The following MALT1 variants were observed in gnomAD, a reference collection of about 807,000 sequenced individuals.
MALT1 encodes the protein mucosa-associated lymphoid tissue lymphoma translocation protein 1.
A neutral mutation model predicts 85.5 loss-of-function variants in MALT1; 36 were observed. The observed-to-expected ratio is 0.42, with a 90% CI of 0.32 to 0.56. The LOEUF (loss-of-function observed/expected upper bound fraction) is 0.56, where lower values mean the gene tolerates loss of function less well. MALT1 is among the 20% of genes least tolerant of loss of function. The probability of loss-of-function intolerance (pLI) is 0.10; values close to 1 mark genes in which losing one functional copy is unlikely to be tolerated. For missense variants in MALT1, 716 were observed against 981.6 expected (o/e 0.73, Z 3.62); for synonymous variants, 359 against 361.3 (o/e 0.99, Z 0.07).
intron 16 of MALT1, among the ~76,000 whole-genome samples, 162 bp from the exon 17 acceptor site, chr18:58,747,243 T>C (rs2055380423): frequency 6.6e-6 from 1 of 152,192 alleles, no homozygotes; most frequent in Non-Finnish European, 1.5e-5. Context: ...AGCTGGCGTT[T>C]CTCAGTTTCA....
At chr18:58,718,648 G>A (rs767641678) in intron 9 of MALT1, among the ~76,000 whole-genome samples, 22 of 152,192 alleles carry the variant, frequency 1.4e-4, no homozygotes, top group Admixed American at 3.9e-4. Context: ...GTTGGGGACC[G>A]CTGCTTAATG....
chr18:58,732,565 T>C (rs989550271), intron 10 of MALT1, among the ~76,000 whole-genome samples: 4 of 152,208 alleles, frequency 2.6e-5, no homozygotes, highest in African/African-American at 9.7e-5. Context: ...CTGTTTATGG[T>C]AATACCTGCA....
chr18:58,703,299 G>A (rs1022543448), intron 4 of MALT1, among the ~76,000 whole-genome samples: 1 of 152,104 alleles, frequency 6.6e-6, no homozygotes, highest in South Asian at 2.1e-4. Flanking sequence ...GGAGGTTGCA[G>A]TGAGCCAAGA....
At chr18:58,741,723 A>G (rs1343615921) in intron 13 of MALT1, 142 bp from the exon 14 acceptor site, 3 of 477,818 alleles carry the variant, frequency 6.3e-6, no homozygotes, top group Non-Finnish European at 1.1e-5. Context: ...TCTGGCACAT[A>G]ATAGGTGCTC....
At chr18:58,715,323 G>A (rs1301682938) in intron 8 of MALT1, among the ~76,000 whole-genome samples, 1 of 152,124 alleles carries the variant, frequency 6.6e-6, no homozygotes, top group Non-Finnish European at 1.5e-5. Flanking sequence ...CCACAATTCA[G>A]GGAGTACCAA....
At chr18:58,688,748 A>G (rs1193717529) in intron 2 of MALT1, among the ~76,000 whole-genome samples, 1 of 151,934 alleles carries the variant, frequency 6.6e-6, no homozygotes, top group Non-Finnish European at 1.5e-5. Flanking sequence ...TTGCCATGGT[A>G]TATTCATGAG....
At position 58,750,935 on chromosome 18, in the gene MALT1, C is replaced by T. The variant is rs1227621528; in HGVS notation, c.*3093C>T. On this transcript the variant is annotated 3_prime_UTR_variant, in exon 17 of 17. Transcript: ENST00000649217. ...CACCATTAAGAAAGTGAAGTTAACC[C>T]TCAGAATGGGAGAAAAATTTTTGAA... 1 of 152,152 alleles carries T rather than the reference C, an allele frequency of 6.6e-6. No homozygotes were observed. Among genetic ancestry groups the T allele is most frequent in the East Asian group, 1.9e-4 (1 of 5,204 alleles). 9.4% of individuals were successfully genotyped at this position (152,152 alleles called of 1,614,324 possible). A position where few individuals can be genotyped will look rare whatever the true frequency, so the allele number is the denominator to read the frequency against.
At chr18:58,706,406 CG>C (rs1469624385) in intron 4 of MALT1, among the ~76,000 whole-genome samples, 2 of 152,184 alleles carry the variant, frequency 1.3e-5, no homozygotes, top group African/African-American at 4.8e-5. Context: ...CCACCTGCCT[CG>C]GCCTCCCAAA....
In MALT1 at chr18:58,741,947, TC is replaced by T; in HGVS notation, c.1688del (p.Pro563GlnfsTer40). On this transcript the variant is annotated frameshift_variant, in exon 14 of 17. Transcript: ENST00000649217. LOFTEE classifies it high-confidence loss of function. Reference sequence around the variant, plus strand: ...TATCTGAGAAGAGAGCACTTACTGATCCAATACAGGGAACAGAATATTCTGC... The same window carrying T: ...TATCTGAGAAGAGAGCACTTACTGATCAATACAGGGAACAGAATATTCTGC... ...SLSEKRALTDPIQGTEYSAES... is the reference protein window; with the variant it reads ...SLSEKRALTDXIQGTEYSAES... 2 of 1,571,930 alleles carry T rather than the reference TC, an allele frequency of 1.3e-6. No homozygotes were observed. Among genetic ancestry groups the T allele is most frequent in the Non-Finnish European group, 8.7e-7 (1 of 1,149,336 alleles).
At chr18:58,702,309 G>A (rs532406887) in intron 4 of MALT1, among the ~76,000 whole-genome samples, 18 of 151,646 alleles carry the variant, frequency 1.2e-4, no homozygotes, top group East Asian at 9.7e-4. Flanking sequence ...ACTCAAGCCC[G>A]GGAGGCGGAG....
chr18:58,705,373 C>T (rs779643582), intron 4 of MALT1, among the ~76,000 whole-genome samples: 66 of 150,434 alleles, frequency 4.4e-4, no homozygotes, highest in Admixed American at 7.3e-4. Context: ...GTGCACATTG[C>T]GCAGGTTAGT....
intron 2 of MALT1, among the ~76,000 whole-genome samples, chr18:58,682,403 C>G (rs1458067235): frequency 3.9e-5 from 6 of 152,192 alleles, no homozygotes; most frequent in Admixed American, 3.3e-4. Flanking sequence ...TCAAGAGAAT[C>G]AAGGAACAAT....
chr18:58,711,039 C>A lies in MALT1; in HGVS notation c.958+86C>A, dbSNP rs1602311650. 7.5e-6 allele frequency: 6 copies of A among 800,002 alleles called. No homozygotes were observed. The East Asian group carries it at 8.9e-5, about 12-fold the overall frequency. The allele number at this position is 800,002 out of a possible 1,614,324, so 49.6% of individuals were successfully genotyped here. A position where few individuals can be genotyped will look rare whatever the true frequency, so the allele number is the denominator to read the frequency against. On this transcript the variant is annotated intron_variant, in intron 7 of 16. Transcript: ENST00000649217. ...TGGAGTGCTTTTAGCCTACTGAGTG[C>A]AGTGATGGAAAAAATACTAGCTGTA...
At chr18:58,740,923 G>A (rs56323611) in intron 13 of MALT1, among the ~76,000 whole-genome samples, 1 of 151,830 alleles carries the variant, frequency 6.6e-6, no homozygotes, top group Non-Finnish European at 1.5e-5. Context: ...GACTATTTTC[G>A]TGTTTTAAAT....
At position 58,747,500 on chromosome 18, in the gene MALT1, C is replaced by T. The variant is rs940630885; in HGVS notation, c.2133C>T (p.Leu711=). 1.2e-6 allele frequency: 2 copies of T among 1,613,702 alleles called. No individual in the cohort carries two copies. The highest frequency in any genetic ancestry group is 3.3e-5 in the Admixed American group (2 of 60,028). ...DKQEVNVGKP[L]IAKLDMHRGL... is the part of the protein sequence containing the mutation. ...AGGAAGTGAATGTTGGGAAACCTCT[C>T]ATTGCTAAATTAGACATGCATCGAG... The change falls in exon 17 of 17, where the codon CTC becomes CTT. Residue 711 remains leucine, a synonymous_variant. Transcript: ENST00000649217.
chr18:58,750,803 T>C lies in MALT1; in HGVS notation c.*2961T>C, dbSNP rs1469319620. 1 of 152,208 alleles carries C rather than the reference T, an allele frequency of 6.6e-6. No individual in the cohort carries two copies. Among genetic ancestry groups the C allele is most frequent in the Non-Finnish European group, 1.5e-5 (1 of 68,036 alleles). The allele number at this position is 152,208 out of a possible 1,614,324, so 9.4% of individuals were successfully genotyped here. ...AAAACAGAAGTAAATCTTTGTGATG[T>C]TGGGCTTAGGAATGGTTTCTTAGAC... On this transcript the variant is annotated 3_prime_UTR_variant, in exon 17 of 17. Coordinates refer to ENST00000649217, the MANE Select transcript of MALT1 (RefSeq NM_006785.4).
At chr18:58,709,607 T>G (rs779462936) in intron 5 of MALT1, 51 bp downstream of exon 5, 6 of 1,404,392 alleles carry the variant, frequency 4.3e-6, no homozygotes, top group Non-Finnish European at 5.8e-6. Context: ...GTAAAACAAA[T>G]GGTACAATTG....
At chr18:58,736,077 C>G (rs1434291399) in intron 13 of MALT1, among the ~76,000 whole-genome samples, 3 of 151,970 alleles carry the variant, frequency 2.0e-5, no homozygotes, top group African/African-American at 4.8e-5. Flanking sequence ...CACTTAAGGC[C>G]AAGAGTTCAA....
At chr18:58,708,015 C>A (rs1733715208) in intron 4 of MALT1, among the ~76,000 whole-genome samples, 1 of 152,148 alleles carries the variant, frequency 6.6e-6, no homozygotes, top group Admixed American at 6.5e-5. Flanking sequence ...GTTCACCAAC[C>A]CCACCCTTGT....
Sources: gnomAD v4.1 joint callset for allele counts (sites outside exome capture counted in the v4.1 genomes callset) on GRCh38, gnomAD v4.1.1 for gene constraint, MANE v1.5 for transcripts, NCBI Gene and HGNC (gene_info 2026-07-23, HGNC 2026-07-21) for gene names.